B4GALT1: variants seen among roughly 807,000 people sequenced by gnomAD.
B4GALT1 encodes beta-1,4-galactosyltransferase 1, also known as N-acetyllactosamine synthase.
Under a neutral mutation model 34.9 loss-of-function variants are expected in B4GALT1, and 16 were observed. The observed-to-expected ratio is 0.46, with a 90% CI of 0.31 to 0.70. The LOEUF is 0.70. Ranked by LOEUF, B4GALT1 falls within the 30% of genes least tolerant of loss-of-function variation. B4GALT1 has a pLI of 0.05. For missense variants in B4GALT1, 445 were observed against 530.5 expected (o/e 0.84, Z 1.58); for synonymous variants, 221 against 218.1 (o/e 1.01, Z -0.12).
chr9:33,179,200 G>C, the B4GALT1 span: 1 of 152,192 alleles, frequency 6.6e-6, no homozygotes, highest in African/African-American at 2.4e-5. Context: ...TATAGGGAGT[G>C]GTGAAGAATT....
chr9:33,147,337 C>G (rs534855449), intron 1 of B4GALT1, among the ~76,000 whole-genome samples: 200 of 150,646 alleles, frequency 1.3e-3, no homozygotes, highest in Non-Finnish European at 2.4e-3. Context: ...GCAACCTCCC[C>G]CTCAGGTTCA....
chr9:33,143,441 C>G (rs1385527132), intron 1 of B4GALT1, among the ~76,000 whole-genome samples: 1 of 152,264 alleles, frequency 6.6e-6, no homozygotes, highest in African/African-American at 2.4e-5. Context: ...ACTCAACCTT[C>G]AAAGGCCAAG....
chr9:33,130,021 CAGAACCAGA>C (rs1266570049), intron 2 of B4GALT1, among the ~76,000 whole-genome samples: 3 of 152,036 alleles, frequency 2.0e-5, no homozygotes, highest in Admixed American at 6.5e-5. Context: ...GTAACATGGT[CAGAACCAGA>C]AAAATCCTGG....
chr9:33,168,596 C>A (rs953697994), upstream of B4GALT1, among the ~76,000 whole-genome samples: 4 of 152,230 alleles, frequency 2.6e-5, no homozygotes, highest in African/African-American at 9.6e-5. Context: ...ACAGAATCAA[C>A]TTTCCTCACT....
At chr9:33,113,949 G>T (rs370779952) in intron 4 of B4GALT1, 71 bp from the exon 5 acceptor site, 4 of 1,389,776 alleles carry the variant, frequency 2.9e-6, no homozygotes, top group African/African-American at 1.4e-5. Flanking sequence ...CCGGCTGCAA[G>T]ACTGTTGCTC....
At position 33,156,868 on chromosome 9, in the gene B4GALT1, C is replaced by T. The variant is rs369997157; in HGVS notation, c.412+9890G>A. 7.9e-5 allele frequency among the ~76,000 whole-genome samples: 12 copies of T among 152,200 alleles called. No homozygotes were observed. The East Asian group carries it at 1.5e-3, about 20-fold the overall frequency. On this transcript the variant is annotated intron_variant, in intron 1 of 5. Coordinates refer to ENST00000379731, the MANE Select transcript of B4GALT1 (RefSeq NM_001497.4). Reference sequence around the variant, plus strand: ...AGCCTGCCCCATGCTATAGGTTTAGCGCCACATATCAAGGAAGAAGGAAAG... The same window carrying T: ...AGCCTGCCCCATGCTATAGGTTTAGTGCCACATATCAAGGAAGAAGGAAAG...
intron 1 of B4GALT1, among the ~76,000 whole-genome samples, chr9:33,157,060 A>G: frequency 7.9e-6 from 1 of 126,672 alleles, no homozygotes; most frequent in Non-Finnish European, 1.7e-5. Context: ...CAGCATAGGG[A>G]ACTACACACA....
rs1839877983 is a variant in B4GALT1 at position 33,112,511 on chromosome 9, T to C, written c.*943A>G. ...GCCAGCTAAATCATAGGCCTATTTG[T>C]GGCCACTACAGCATATATTTATTTT... is the stretch of plus-strand genomic sequence containing the variant. On this transcript the variant is annotated 3_prime_UTR_variant, in exon 6 of 6. Coordinates refer to ENST00000379731, the MANE Select transcript of B4GALT1 (RefSeq NM_001497.4). 2.6e-5 allele frequency: 4 copies of C among 152,650 alleles called. No individual in the cohort carries two copies. Among genetic ancestry groups the C allele is most frequent in the Admixed American group, 2.6e-4 (4 of 15,282 alleles). 9.5% of individuals were successfully genotyped at this position (152,650 alleles called of 1,614,324 possible). A position where few individuals can be genotyped will look rare whatever the true frequency, so the allele number is the denominator to read the frequency against.
the B4GALT1 span, chr9:33,179,822 C>A: frequency 2.0e-5 from 3 of 152,252 alleles, no homozygotes; most frequent in East Asian, 1.9e-4. Context: ...ATGTTAAGTG[C>A]ATTTTCAACT....
chr9:33,153,899 C>T (rs919540427), intron 1 of B4GALT1, among the ~76,000 whole-genome samples: 4 of 148,710 alleles, frequency 2.7e-5, no homozygotes, highest in Non-Finnish European at 4.4e-5. Context: ...AAAGATCTCA[C>T]GACGAAAGAA....
intron 1 of B4GALT1, among the ~76,000 whole-genome samples, chr9:33,138,903 G>A (rs925706194): frequency 2.0e-5 from 3 of 152,126 alleles, no homozygotes; most frequent in Middle Eastern, 3.4e-3. Context: ...TGATACCCGG[G>A]TGGTCCATCT....
chr9:33,104,968 T>A (rs902591781), intron 2 of B4GALT1, among the ~76,000 whole-genome samples: 2 of 148,640 alleles, frequency 1.3e-5, no homozygotes, highest in African/African-American at 5.0e-5. Context: ...TACAGGCATG[T>A]GCCACCACGC....
rs760358366 is a variant in B4GALT1 at position 33,150,168 on chromosome 9, TGA to T, written c.413-14746_413-14745del. Among the ~76,000 whole-genome samples the T allele has an allele frequency of 1.6e-4, 12 of 75,320 alleles. No homozygotes were observed. In the South Asian group the frequency reaches 2.6e-3, roughly 16 times the overall value. 49.4% of individuals were successfully genotyped at this position (75,320 alleles called of 152,430 possible). A position where few individuals can be genotyped will look rare whatever the true frequency, so the allele number is the denominator to read the frequency against. On this transcript the variant is annotated intron_variant, in intron 1 of 5. Transcript: ENST00000379731. The stretch of plus-strand genomic sequence containing the variant: ...AGATATATACACACACACATATATA[TGA>T]GAGAGAGAGATCTAGATACATCTAT...
intron 1 of B4GALT1, among the ~76,000 whole-genome samples, chr9:33,147,706 G>A (rs1470360623): frequency 6.6e-6 from 1 of 152,202 alleles, no homozygotes; most frequent in Non-Finnish European, 1.5e-5. Flanking sequence ...GTGCTGGTGA[G>A]AGACTGCACA....
At chr9:33,151,775 T>C (rs917024421) in intron 1 of B4GALT1, among the ~76,000 whole-genome samples, 1 of 152,170 alleles carries the variant, frequency 6.6e-6, no homozygotes, top group Non-Finnish European at 1.5e-5. Flanking sequence ...GAATCACTGA[T>C]AGATTTGGAG....
chr9:33,116,468 G>T (rs566616850), intron 3 of B4GALT1, among the ~76,000 whole-genome samples: 5 of 148,636 alleles, frequency 3.4e-5, no homozygotes, highest in African/African-American at 1.2e-4. Context: ...GTGATCCACC[G>T]GCCTCGGCCT....
chr9:33,134,647 C>T lies in B4GALT1; in HGVS notation c.648+542G>A, dbSNP rs577117867. ...GCAGTGAGAAACTTTTTCTCAGACT[C>T]GGCCCAGTCCACATAACTCTCAGAT... On this transcript the variant is annotated intron_variant, in intron 2 of 5. Coordinates refer to ENST00000379731, the MANE Select transcript of B4GALT1 (RefSeq NM_001497.4). 3.9e-5 allele frequency among the ~76,000 whole-genome samples: 6 copies of T among 152,300 alleles called. No individual in the cohort carries two copies. In the Middle Eastern group the frequency reaches 0.01, roughly 259 times the overall value.
chr9:33,142,730 G>A (rs7873903), intron 1 of B4GALT1, among the ~76,000 whole-genome samples: 54,958 of 151,942 alleles, frequency 0.36, 10,474 homozygotes, highest in East Asian at 0.6. Context: ...GCCTCCCGTG[G>A]GACTGCAGTG....
chr9:33,165,315 C>A (rs1003684041), intron 1 of B4GALT1, among the ~76,000 whole-genome samples: 4 of 146,580 alleles, frequency 2.7e-5, no homozygotes, highest in East Asian at 2.1e-4. Flanking sequence ...CTTAAAAAAA[C>A]CCCTGTAAGG....
Sources: gnomAD v4.1 joint callset for allele counts (sites outside exome capture counted in the v4.1 genomes callset) on GRCh38, gnomAD v4.1.1 for gene constraint, MANE v1.5 for transcripts, NCBI Gene and HGNC (gene_info 2026-07-23, HGNC 2026-07-21) for gene names.